Variants in F13A1 observed in about 807,000 individuals in gnomAD.
F13A1 encodes the protein FSF, A subunit.
In F13A1, 47 loss-of-function variants were observed where a neutral mutation model predicts 80.1. That is an observed-to-expected ratio of 0.59 (90% CI 0.46 to 0.75). The LOEUF is 0.75. F13A1 is among the 30% of genes least tolerant of loss of function. The pLI, the probability that F13A1 is intolerant of heterozygous loss-of-function variation, is 0.00. For missense variants in F13A1, 817 were observed against 930.4 expected (o/e 0.88, Z 1.59); for synonymous variants, 349 against 344.9 (o/e 1.01, Z -0.13).
chr6:6,270,976 C>G (rs747200796), intron 3 of F13A1, among the ~76,000 whole-genome samples: 3 of 152,104 alleles, frequency 2.0e-5, no homozygotes, highest in Non-Finnish European at 4.4e-5. Context: ...GGAAGACTTC[C>G]AAAGTAATGT....
chr6:6,248,290 G>T, intron 6 of F13A1, 22 bp downstream of exon 6: 1 of 1,588,100 alleles, frequency 6.3e-7, no homozygotes, highest in South Asian at 1.1e-5. Context: ...ACAGATTTTA[G>T]GTATCAGTAA....
chr6:6,298,748 A>G (rs1166148935), intron 3 of F13A1, among the ~76,000 whole-genome samples: 2 of 149,896 alleles, frequency 1.3e-5, no homozygotes, highest in Non-Finnish European at 2.9e-5. Context: ...GTCCATTTAC[A>G]TTCAAAGTTA....
At chr6:6,222,280 C>T (rs934749126) in intron 7 of F13A1, 109 bp from the exon 8 acceptor site, 3 of 1,414,270 alleles carry the variant, frequency 2.1e-6, no homozygotes, top group Non-Finnish European at 3.0e-6. Context: ...CATGAAAAGC[C>T]CTTTGGACAT....
intron 6 of F13A1, among the ~76,000 whole-genome samples, chr6:6,246,663 T>C (rs1029952785): frequency 6.6e-6 from 1 of 152,224 alleles, no homozygotes; most frequent in Non-Finnish European, 1.5e-5. Context: ...GCTTATTCAA[T>C]AATTAACAGC....
chr6:6,313,992 T>TTTTTTTTG (rs1758644276), intron 2 of F13A1, among the ~76,000 whole-genome samples: 1 of 149,516 alleles, frequency 6.7e-6, no homozygotes, highest in African/African-American at 2.5e-5. Context: ...TACTCTTTTT[T>TTTTTTTTG]TTTTTTGAAA....
At chr6:6,212,294 A>C (rs1425790554) in intron 8 of F13A1, among the ~76,000 whole-genome samples, 3 of 152,212 alleles carry the variant, frequency 2.0e-5, no homozygotes, top group Non-Finnish European at 4.4e-5. Context: ...ACAGCTTTGA[A>C]GAGAGCAGTG....
At chr6:6,199,347 G>T (rs1207045114) in intron 8 of F13A1, among the ~76,000 whole-genome samples, 1 of 152,062 alleles carries the variant, frequency 6.6e-6, no homozygotes, top group Non-Finnish European at 1.5e-5. Flanking sequence ...AAAATTAGCT[G>T]GGCGTGGTGG....
At chr6:6,286,622 G>C (rs192114862) in intron 3 of F13A1, among the ~76,000 whole-genome samples, 1 of 152,216 alleles carries the variant, frequency 6.6e-6, no homozygotes, top group Non-Finnish European at 1.5e-5. Flanking sequence ...CTTTGGTGCT[G>C]TGGGACTCCA....
intron 3 of F13A1, among the ~76,000 whole-genome samples, chr6:6,279,165 G>A (rs1237249143): frequency 6.6e-6 from 1 of 152,124 alleles, no homozygotes; most frequent in Non-Finnish European, 1.5e-5. Flanking sequence ...CAGGGGACAT[G>A]GTATAAAAAA....
chr6:6,267,701 TAA>T lies in F13A1; in HGVS notation c.320-894_320-893del, dbSNP rs1258784053. On this transcript the variant is annotated intron_variant, in intron 3 of 14. Coordinates refer to ENST00000264870, the MANE Select transcript of F13A1 (RefSeq NM_000129.4). Reference sequence around the variant, plus strand: ...TAAAAAGATGCAAGTTTAGTAAAAATAAACTTAGAGATAAAAATCTACGTGTT... The same window carrying T: ...TAAAAAGATGCAAGTTTAGTAAAAATACTTAGAGATAAAAATCTACGTGTT... Among the ~76,000 whole-genome samples, 3 of 151,958 alleles carry T rather than the reference TAA, an allele frequency of 2.0e-5. No individual in the cohort carries two copies. The East Asian group carries it at 5.8e-4, about 29-fold the overall frequency.
chr6:6,171,332 G>C (rs879724902), intron 12 of F13A1, among the ~76,000 whole-genome samples: 1 of 152,078 alleles, frequency 6.6e-6, no homozygotes, highest in Non-Finnish European at 1.5e-5. Flanking sequence ...CTCATCTCTC[G>C]AGCTTCAGTT....
chr6:6,296,894 A>C (rs920202065), intron 3 of F13A1, among the ~76,000 whole-genome samples: 1 of 148,610 alleles, frequency 6.7e-6, no homozygotes, highest in Non-Finnish European at 1.5e-5. Context: ...TGTCATAGAT[A>C]GCTCTTATTA....
In F13A1 at chr6:6,302,540, A is replaced by G. The variant is rs3024349; in HGVS notation, c.319+2811T>C. Among the ~76,000 whole-genome samples the G allele has an allele frequency of 5.2e-3, 786 of 152,338 alleles. 7 individuals carry two copies. Among genetic ancestry groups the G allele is most frequent in the Middle Eastern group, 0.02 (6 of 294 alleles). ...AAAAAGTACAGTAAAAATACAATAT[A>G]AAAAGTAAAAAATGGTACACCTGCA... On this transcript the variant is annotated intron_variant, in intron 3 of 14. Transcript: ENST00000264870.
chr6:6,218,577 G>A (rs1462902208), intron 8 of F13A1, among the ~76,000 whole-genome samples: 2 of 152,130 alleles, frequency 1.3e-5, no homozygotes, highest in African/African-American at 2.4e-5. Context: ...GCCCTGCTCT[G>A]CCCTTCTGAG....
chr6:6,266,320 C>A (rs3024360), intron 4 of F13A1, among the ~76,000 whole-genome samples: 8 of 152,150 alleles, frequency 5.3e-5, no homozygotes, highest in African/African-American at 9.6e-5. Context: ...TAACCTCCAA[C>A]TCCCGAACTC....
chr6:6,181,911 ACTCAT>A lies in F13A1; in HGVS notation c.1459+72_1459+76del, dbSNP rs1223941727. ...TGCAAATGCCAGTGCATTCTCTGGA[ACTCAT>A]CTCTGAGTGACAATGAATAAGTACT... On this transcript the variant is annotated intron_variant, in intron 11 of 14. Transcript: ENST00000264870. 9.6e-5 allele frequency: 147 copies of A among 1,524,550 alleles called. No homozygotes were observed. The African/African-American group carries it at 1.4e-3, about 14-fold the overall frequency. 94.4% of individuals were successfully genotyped at this position (1,524,550 alleles called of 1,614,324 possible). A position where few individuals can be genotyped will look rare whatever the true frequency, so the allele number is the denominator to read the frequency against.
At chr6:6,289,233 G>T (rs1758186188) in intron 3 of F13A1, among the ~76,000 whole-genome samples, 1 of 152,078 alleles carries the variant, frequency 6.6e-6, no homozygotes, top group African/African-American at 2.4e-5. Flanking sequence ...TGGAGCTCGG[G>T]TTCTGACTGG....
intron 2 of F13A1, among the ~76,000 whole-genome samples, chr6:6,317,946 C>T (rs181199135): frequency 1.1e-3 from 160 of 152,280 alleles, no homozygotes; most frequent in Middle Eastern, 3.4e-3. Context: ...CTGCTGTACC[C>T]GGAACAGGTT....
At chr6:6,287,669 A>C (rs548977087) in intron 3 of F13A1, among the ~76,000 whole-genome samples, 1 of 152,320 alleles carries the variant, frequency 6.6e-6, no homozygotes, top group South Asian at 2.1e-4. Flanking sequence ...CCAGCTCTGC[A>C]GACATGATGT....
Sources: gnomAD v4.1 joint callset for allele counts (sites outside exome capture counted in the v4.1 genomes callset) on GRCh38, gnomAD v4.1.1 for gene constraint, MANE v1.5 for transcripts, NCBI Gene and HGNC (gene_info 2026-07-23, HGNC 2026-07-21) for gene names.